Variants in KANSL1 observed in about 807,000 individuals in gnomAD.
The protein encoded by KANSL1 is KAT8 regulatory NSL complex subunit 1.
A neutral mutation model predicts 103.6 loss-of-function variants in KANSL1; 22 were observed. That is an observed-to-expected ratio of 0.21 (90% CI 0.15 to 0.30). The LOEUF is 0.30. KANSL1 is among the 10% of genes least tolerant of loss of function. The pLI is 1.00. For synonymous variants in KANSL1, 600 were observed against 527.6 expected, an observed-to-expected ratio of 1.14 and a Z score of -1.88; for missense variants, 1,337 against 1,399.8, an observed-to-expected ratio of 0.96 and a Z score of 0.72.
rs1168598342 is a variant in KANSL1, at chr17:46,082,504, A to G, written c.1470T>C (p.His490=). Residue 490 remains histidine (H), a synonymous_variant, in exon 4 of 15, where the codon CAT becomes CAC. Transcript: ENST00000432791. ...IVLGEVPPPE[H]TTDLFLPLSS... ...TAAGTGGAAGAAATAAGTCTGTTGT[A>G]TGCTCTGGGGGAGGTACCTCCCCAA... is the stretch of plus-strand genomic sequence containing the variant. The G allele has an allele frequency of 6.2e-7, 1 of 1,612,638 alleles. No individual in the cohort carries two copies. The highest frequency in any genetic ancestry group is 1.1e-5 in the South Asian group (1 of 90,932).
intron 1 of KANSL1, chr17:46,214,953 T>C (rs2668694): frequency 0.14 from 21,965 of 152,296 alleles, 2,142 homozygotes; most frequent in Middle Eastern, 0.22. Flanking sequence ...TCTCATATGC[T>C]TCTTGGTCAT....
At chr17:46,048,098 G>C (rs1006993219) in intron 7 of KANSL1, among the ~76,000 whole-genome samples, 2 of 151,872 alleles carry the variant, frequency 1.3e-5, no homozygotes. Context: ...AGTAGAGATA[G>C]GGTTTTGCCA....
intron 2 of KANSL1, among the ~76,000 whole-genome samples, chr17:46,168,331 G>T (rs932492976): frequency 2.0e-5 from 3 of 152,080 alleles, no homozygotes; most frequent in Non-Finnish European, 4.4e-5. Context: ...TGCTTTACTG[G>T]TGGTTTTAGT....
chr17:46,141,646 T>C (rs1487934822), intron 2 of KANSL1, among the ~76,000 whole-genome samples: 1 of 152,140 alleles, frequency 6.6e-6, no homozygotes, highest in Non-Finnish European at 1.5e-5. Context: ...AAGAATACAG[T>C]ATCCTCACAA....
At chr17:46,189,286 T>C (rs950314128) in intron 1 of KANSL1, among the ~76,000 whole-genome samples, 4 of 152,058 alleles carry the variant, frequency 2.6e-5, no homozygotes, top group African/African-American at 7.3e-5. Context: ...TCTGGGGCAA[T>C]CAACAGACAA....
At chr17:46,052,963 CCAAAAAAAAAAAA>C (rs2077771677) in intron 6 of KANSL1, among the ~76,000 whole-genome samples, 5 of 43,140 alleles carry the variant, frequency 1.2e-4, no homozygotes, top group African/African-American at 5.1e-4. Flanking sequence ...GATCCTGTCT[CCAAAAAAAAAAAA>C]AAAAAAAAAA....
At chr17:46,086,279 G>A (rs1291191416) in intron 3 of KANSL1, among the ~76,000 whole-genome samples, 2 of 152,130 alleles carry the variant, frequency 1.3e-5, no homozygotes, top group Non-Finnish European at 2.9e-5. Flanking sequence ...TCTCCTAAGA[G>A]AGTATAATAA....
intron 2 of KANSL1, among the ~76,000 whole-genome samples, chr17:46,117,070 A>AGAGGCAG: frequency 6.6e-6 from 1 of 152,360 alleles, no homozygotes; most frequent in Admixed American, 6.5e-5. Flanking sequence ...TCTCCCAATG[A>AGAGGCAG]GAGGCAGATT....
At chr17:46,175,551 C>T (rs909325880) in intron 1 of KANSL1, among the ~76,000 whole-genome samples, 4 of 152,200 alleles carry the variant, frequency 2.6e-5, no homozygotes, top group East Asian at 1.9e-4. Flanking sequence ...AGTTTCACCA[C>T]GTTGGCCAAG....
chr17:46,146,705 C>T (rs1240340889), intron 2 of KANSL1, among the ~76,000 whole-genome samples: 1 of 143,070 alleles, frequency 7.0e-6, no homozygotes, highest in Non-Finnish European at 1.6e-5. Flanking sequence ...TAGTGGCGGG[C>T]GCCTGTAGTC....
intron 1 of KANSL1, among the ~76,000 whole-genome samples, chr17:46,219,996 G>A (rs1169944478): frequency 5.3e-5 from 8 of 151,924 alleles, no homozygotes; most frequent in East Asian, 2.0e-4. Flanking sequence ...CCAGCTACTC[G>A]GGAGGCTGAG....
At chr17:46,135,195 A>C (rs1412781451) in intron 2 of KANSL1, among the ~76,000 whole-genome samples, 5 of 152,184 alleles carry the variant, frequency 3.3e-5, no homozygotes, top group Non-Finnish European at 5.9e-5. Context: ...ATAGATTCTG[A>C]AATATTTACA....
intron 2 of KANSL1, among the ~76,000 whole-genome samples, chr17:46,120,621 A>T (rs910223361): frequency 3.9e-5 from 6 of 152,212 alleles, no homozygotes; most frequent in African/African-American, 7.2e-5. Context: ...TTAATTTTTT[A>T]AATTAATAGA....
intron 2 of KANSL1, among the ~76,000 whole-genome samples, chr17:46,144,079 T>C (rs1048475690): frequency 6.6e-6 from 1 of 152,238 alleles, no homozygotes; most frequent in Non-Finnish European, 1.5e-5. Context: ...AAGTTTTTAT[T>C]ACTTTGTCAT....
chr17:46,148,634 T>C (rs2044874247), intron 2 of KANSL1, among the ~76,000 whole-genome samples: 1 of 151,482 alleles, frequency 6.6e-6, no homozygotes, highest in Non-Finnish European at 1.5e-5. Context: ...TCGCCCAGGC[T>C]GAAGTATAGT....
At chr17:46,120,780 T>C (rs2043244446) in intron 2 of KANSL1, among the ~76,000 whole-genome samples, 1 of 152,252 alleles carries the variant, frequency 6.6e-6, no homozygotes, top group Non-Finnish European at 1.5e-5. Context: ...TACATCAAGG[T>C]TCGCTTTGTT....
chr17:46,055,230 A>G (rs1056470879), intron 6 of KANSL1, among the ~76,000 whole-genome samples: 6 of 151,808 alleles, frequency 4.0e-5, no homozygotes, highest in Admixed American at 2.6e-4. Flanking sequence ...TTGGGAAGCC[A>G]AGGCAGGTGG....
intron 2 of KANSL1, among the ~76,000 whole-genome samples, chr17:46,096,311 C>CTTTCTTTCTTTCTTTCT (rs753073992): frequency 1.3e-5 from 1 of 76,408 alleles, no homozygotes; most frequent in African/African-American, 5.6e-5. Flanking sequence ...GCTTTTTTTT[C>CTTTCTTTCTTTCTTTCT]TTTTTTTTTT....
chr17:46,113,457 G>A (rs1052538482), intron 2 of KANSL1, among the ~76,000 whole-genome samples: 3 of 152,236 alleles, frequency 2.0e-5, no homozygotes, highest in Non-Finnish European at 4.4e-5. Context: ...TATGCAGCAT[G>A]CAGAGTATGT....
Sources: allele counts gnomAD v4.1 joint callset (sites outside exome capture counted in the v4.1 genomes callset), GRCh38; gene constraint gnomAD v4.1.1; transcripts MANE v1.5; gene names NCBI Gene and HGNC (gene_info 2026-07-23, HGNC 2026-07-21).